Variants in TYW1B observed in about 807,000 individuals in gnomAD.
The protein encoded by TYW1B is tRNA-yW synthesizing protein 1 homolog B, also known as S-adenosyl-L-methionine-dependent tRNA 4-demethylwyosine synthase TYW1B.
Under a neutral mutation model 86.9 loss-of-function variants are expected in TYW1B, and 73 were observed. The ratio of observed to expected loss-of-function variants is 0.84; its 90% confidence interval spans 0.70 to 1.02. The LOEUF (loss-of-function observed/expected upper bound fraction) is 1.02, where lower values mean the gene tolerates loss of function less well. TYW1B is among the 50% of genes least tolerant of loss of function. The pLI, the probability that TYW1B is intolerant of heterozygous loss-of-function variation, is 0.00. For synonymous variants in TYW1B, 248 were observed against 292.8 expected (o/e 0.85, Z 1.56); for missense variants, 637 against 827.4 (o/e 0.77, Z 2.82).
chr7:72,804,440 G>A (rs187317656), intron 5 of TYW1B, among the ~76,000 whole-genome samples: 136 of 152,186 alleles, frequency 8.9e-4, no homozygotes, highest in African/African-American at 2.0e-3. Context: ...CCTCTTAGGC[G>A]AGGTCATGCC....
intron 9 of TYW1B, among the ~76,000 whole-genome samples, chr7:72,726,018 A>C (rs562792886): frequency 5.1e-4 from 78 of 152,300 alleles, no homozygotes; most frequent in African/African-American, 1.8e-3. Context: ...AGCTTACTTG[A>C]AGATCAACAA....
intron 9 of TYW1B, among the ~76,000 whole-genome samples, chr7:72,727,000 C>CTATCACTCGT (rs1298177604): frequency 6.6e-6 from 1 of 152,072 alleles, no homozygotes; most frequent in Non-Finnish European, 1.5e-5. Context: ...CTCACTATCA[C>CTATCACTCGT]GAGAACACCA....
chr7:72,714,567 G>A lies in TYW1B; in HGVS notation c.1193-769C>T, dbSNP rs1786741781. Among the ~76,000 whole-genome samples the A allele has an allele frequency of 2.6e-5, 4 of 152,004 alleles. No individual in the cohort carries two copies. In the South Asian group the frequency reaches 8.3e-4, roughly 32 times the overall value. On this transcript the variant is annotated intron_variant, in intron 9 of 13. Coordinates refer to ENST00000620995, the MANE Select transcript of TYW1B (RefSeq NM_001145440.3). ...GAGTCTGGGAGATTGAGGCTGCAGT[G>A]AACCACTATCATGCCACTGCACTCC...
At chr7:72,791,559 TA>T (rs1322508334) in intron 6 of TYW1B, among the ~76,000 whole-genome samples, 1 of 151,982 alleles carries the variant, frequency 6.6e-6, no homozygotes, top group Non-Finnish European at 1.5e-5. Context: ...GGGCGGATCA[TA>T]AGATCAGGAA....
rs782771269 is a variant in TYW1B, at chr7:72,810,475, T to C, written c.428A>G (p.Asn143Ser). 5.6e-6 allele frequency: 9 copies of C among 1,611,390 alleles called. No individual in the cohort carries two copies. Among genetic ancestry groups the C allele is most frequent in the African/African-American group, 4.0e-5 (3 of 74,874 alleles). Reference sequence around the variant, plus strand: ...TATAATTCAATATAGACCTACCTTGTTGAAGTGGCTAGCATAGGCAGAATT... The same window carrying C: ...TATAATTCAATATAGACCTACCTTGCTGAAGTGGCTAGCATAGGCAGAATT... The part of the protein sequence containing the change: ...LGNSAYASHF[N>S]KVGKNVDKWL... Residue 143 changes from asparagine (N) to serine (S), a missense_variant, in exon 4 of 14, where the codon AAC (asparagine) becomes AGC (serine). Asn to Ser is a conservative substitution (Grantham distance 46). Coordinates refer to ENST00000620995, the MANE Select transcript of TYW1B (RefSeq NM_001145440.3).
At chr7:72,697,361 G>A (rs1814346927) in intron 10 of TYW1B, among the ~76,000 whole-genome samples, 1 of 152,076 alleles carries the variant, frequency 6.6e-6, no homozygotes, top group Admixed American at 6.6e-5. Context: ...AGATGTCTGA[G>A]ATGCTGCACT....
At chr7:72,709,096 C>G (rs1814681606) in intron 10 of TYW1B, among the ~76,000 whole-genome samples, 1 of 152,178 alleles carries the variant, frequency 6.6e-6, no homozygotes, top group African/African-American at 2.4e-5. Context: ...ATGTCCTCAA[C>G]CCATGTCTAC....
intron 9 of TYW1B, among the ~76,000 whole-genome samples, chr7:72,724,519 G>A (rs1448616597): frequency 2.0e-5 from 3 of 151,802 alleles, no homozygotes; most frequent in African/African-American, 4.8e-5. Context: ...AACAAATGAG[G>A]CTCTCTTATG....
intron 13 of TYW1B, among the ~76,000 whole-genome samples, chr7:72,592,189 A>C (rs1554431641): frequency 6.6e-6 from 1 of 151,178 alleles, no homozygotes; most frequent in African/African-American, 2.4e-5. Context: ...AAAAAAAGAC[A>C]AGTATTAGTT....
intron 9 of TYW1B, among the ~76,000 whole-genome samples, chr7:72,726,808 A>T (rs1554458805): frequency 6.6e-6 from 1 of 152,184 alleles, no homozygotes; most frequent in African/African-American, 2.4e-5. Context: ...GGTAATTTAT[A>T]AAGGAAAAGA....
intron 11 of TYW1B, among the ~76,000 whole-genome samples, chr7:72,682,930 C>T (rs1813911931): frequency 6.6e-6 from 1 of 152,216 alleles, no homozygotes; most frequent in African/African-American, 2.4e-5. Flanking sequence ...GTTTTACCTA[C>T]TGGAGCTCTG....
At chr7:72,774,261 G>C (rs1167180313) in intron 7 of TYW1B, among the ~76,000 whole-genome samples, 4 of 150,958 alleles carry the variant, frequency 2.6e-5, no homozygotes, top group African/African-American at 9.7e-5. Flanking sequence ...GAAGTGTTTT[G>C]CCTCAACAGT....
rs539434799 is a variant in TYW1B at position 72,577,584 on chromosome 7, G to A, written c.1786-1865C>T. On this transcript the variant is annotated intron_variant, in intron 13 of 13. Coordinates refer to ENST00000620995, the MANE Select transcript of TYW1B (RefSeq NM_001145440.3). ...TTCCCTGGCCCTTCACACCTCCATC[G>A]ATTCTCCCTGGGCAGCACTTCTGCC... Among the ~76,000 whole-genome samples, 17 of 152,252 alleles carry A rather than the reference G, an allele frequency of 1.1e-4. No homozygotes were observed. The South Asian group carries it at 2.1e-3, about 19-fold the overall frequency.
chr7:72,600,541 C>A (rs1449813696), intron 13 of TYW1B, among the ~76,000 whole-genome samples: 5 of 151,984 alleles, frequency 3.3e-5, no homozygotes, highest in Admixed American at 3.3e-4. Context: ...CTGAGAAGGG[C>A]ATAATTAAGA....
chr7:72,642,150 GT>G (rs1338742615), intron 11 of TYW1B, among the ~76,000 whole-genome samples: 6 of 152,120 alleles, frequency 3.9e-5, no homozygotes, highest in African/African-American at 1.4e-4. Context: ...TCAACACATG[GT>G]ACTGAGACAA....
chr7:72,703,011 TATATATATATA>T lies in TYW1B; in HGVS notation c.1371-8200_1371-8190del, dbSNP rs1253122766. Among the ~76,000 whole-genome samples the T allele has an allele frequency of 7.4e-4, 24 of 32,246 alleles. 1 individual carries two copies. The highest frequency in any genetic ancestry group is 1.3e-3 in the African/African-American group (13 of 10,152). The allele number at this position is 32,246 out of a possible 152,430, so 21.2% of individuals were successfully genotyped here. A position where few individuals can be genotyped will look rare whatever the true frequency, so the allele number is the denominator to read the frequency against. On this transcript the variant is annotated intron_variant, in intron 10 of 13. Transcript: ENST00000620995. ...CTATATATATATATATATATATATA[TATATATATATA>T]TATATTTTTTTTTTTTTTTTGAGAT...
chr7:72,701,511 G>A (rs536389875), intron 10 of TYW1B, among the ~76,000 whole-genome samples: 19 of 152,162 alleles, frequency 1.2e-4, no homozygotes, highest in South Asian at 1.2e-3. Flanking sequence ...CAACCCTCCC[G>A]TCCCAGCCTC....
At chr7:72,607,494 G>A (rs1585843762) in intron 13 of TYW1B, among the ~76,000 whole-genome samples, 1 of 150,642 alleles carries the variant, frequency 6.6e-6, no homozygotes. Context: ...AGGAGAGAGG[G>A]AGGAAGGAAG....
At chr7:72,813,676 A>T (rs1554478824) in intron 3 of TYW1B, among the ~76,000 whole-genome samples, 1 of 152,174 alleles carries the variant, frequency 6.6e-6, no homozygotes, top group Non-Finnish European at 1.5e-5. Flanking sequence ...TGGAGAAAAA[A>T]GGGGAGGAAT....
Sources: gnomAD v4.1 joint callset for allele counts (sites outside exome capture counted in the v4.1 genomes callset) on GRCh38, gnomAD v4.1.1 for gene constraint, MANE v1.5 for transcripts, NCBI Gene and HGNC (gene_info 2026-07-23, HGNC 2026-07-21) for gene names.